Variants in SETD2 observed in about 807,000 individuals in gnomAD.
The protein encoded by SETD2 is SET domain containing 2, histone lysine methyltransferase, also known as histone-lysine N-methyltransferase SETD2.
In SETD2, 31 loss-of-function variants were observed where a neutral mutation model predicts 242.1. The observed-to-expected ratio is 0.13, with a 90% CI of 0.10 to 0.17. The LOEUF (loss-of-function observed/expected upper bound fraction) is 0.17, where lower values mean the gene tolerates loss of function less well. Ranked by LOEUF, SETD2 falls within the 10% of genes least tolerant of loss-of-function variation. SETD2 has a pLI of 1.00. For missense variants in SETD2, 2,481 were observed against 3,046.3 expected, an observed-to-expected ratio of 0.81 and a Z score of 4.37; for synonymous variants, 1,006 against 1,066.5, an observed-to-expected ratio of 0.94 and a Z score of 1.11.
intron 1 of SETD2, among the ~76,000 whole-genome samples, chr3:47,157,795 C>T (rs1018666471): frequency 7.9e-5 from 12 of 151,794 alleles, no homozygotes; most frequent in Non-Finnish European, 1.0e-4. Context: ...ACTGCTTAAA[C>T]CCAGGGGGCA....
intron 1 of SETD2, among the ~76,000 whole-genome samples, chr3:47,132,536 T>C (rs1039822085): frequency 3.3e-5 from 5 of 152,160 alleles, no homozygotes; most frequent in African/African-American, 4.8e-5. Flanking sequence ...TTAAGATTCC[T>C]TGACATCAAA....
chr3:47,150,821 G>A (rs968918761), intron 1 of SETD2, among the ~76,000 whole-genome samples: 5 of 151,682 alleles, frequency 3.3e-5, no homozygotes, highest in Admixed American at 2.0e-4. Flanking sequence ...AAAATTAGGC[G>A]TAGTGGGAGG....
chr3:47,149,801 AGTT>A (rs971941548), intron 1 of SETD2, among the ~76,000 whole-genome samples: 32 of 152,320 alleles, frequency 2.1e-4, no homozygotes, highest in Admixed American at 3.3e-4. Flanking sequence ...AATCTCAGCT[AGTT>A]GTTCTAAACA....
intron 1 of SETD2, among the ~76,000 whole-genome samples, chr3:47,158,561 C>A (rs533929697): frequency 1.2e-4 from 19 of 152,266 alleles, no homozygotes; most frequent in African/African-American, 3.9e-4. Context: ...TTATGATTTT[C>A]TTAATAACAT....
At position 47,046,493 on chromosome 3, in the gene SETD2, C is replaced by T. The variant is rs748117514; in HGVS notation, c.7092G>A (p.Leu2364=). ...CAACTGAAACATTTCTTACTGGCTG[C>T]AAGGGCTGAGGCTGCCCTGGTGCAA... The part of the protein sequence containing the change: ...TIVAPGQPQP[L]QPSEMVVTNN... Residue 2364 remains leucine, a synonymous_variant, in exon 16 of 21, where the codon TTG becomes TTA. Transcript: ENST00000409792. 1 of 1,595,462 alleles carries T rather than the reference C, an allele frequency of 6.3e-7. No individual in the cohort carries two copies. Among genetic ancestry groups the T allele is most frequent in the Admixed American group, 1.7e-5 (1 of 57,620 alleles).
At chr3:47,097,829 G>T in intron 9 of SETD2, 126 bp downstream of exon 9, 4 of 864,630 alleles carry the variant, frequency 4.6e-6, no homozygotes, top group South Asian at 3.4e-5. Flanking sequence ...CTCTTTTCTG[G>T]TAACAACTCA....
intron 1 of SETD2, among the ~76,000 whole-genome samples, chr3:47,158,098 C>A (rs2044167528): frequency 6.6e-6 from 1 of 152,028 alleles, no homozygotes; most frequent in Non-Finnish European, 1.5e-5. Flanking sequence ...GTGCCCTATA[C>A]CATTTTGGCA....
intron 10 of SETD2, among the ~76,000 whole-genome samples, chr3:47,087,873 G>A (rs905621139): frequency 1.2e-4 from 10 of 84,408 alleles, no homozygotes; most frequent in Non-Finnish European, 2.1e-4. Flanking sequence ...GGACGCTGAG[G>A]CAGAATTGCT....
At position 47,050,394 on chromosome 3, in the gene SETD2, G is replaced by A. The variant is rs117425339; in HGVS notation, c.6964-3773C>T. Among the ~76,000 whole-genome samples the A allele has an allele frequency of 7.2e-4, 109 of 152,186 alleles. 1 individual carries two copies. The East Asian group carries it at 0.018, about 25-fold the overall frequency. On this transcript the variant is annotated intron_variant, in intron 15 of 20. Transcript: ENST00000409792. The stretch of plus-strand genomic sequence containing the variant: ...TTTTTCACCTCCATAATAATCTTAC[G>A]AGGATCACTGTCATAAATGCCATCT...
At chr3:47,026,854 T>C (rs1348929132) in intron 18 of SETD2, among the ~76,000 whole-genome samples, 1 of 152,068 alleles carries the variant, frequency 6.6e-6, no homozygotes, top group African/African-American at 2.4e-5. Context: ...AAACCTCATG[T>C]AGGTGATGGG....
At chr3:47,160,329 T>C (rs1697453300) in intron 1 of SETD2, among the ~76,000 whole-genome samples, 1 of 151,852 alleles carries the variant, frequency 6.6e-6, no homozygotes, top group South Asian at 2.1e-4. Context: ...CGAGATGGAA[T>C]CTCCTTCTGT....
intron 1 of SETD2, among the ~76,000 whole-genome samples, chr3:47,154,495 T>A (rs1179053204): frequency 6.6e-6 from 1 of 151,876 alleles, no homozygotes; most frequent in Non-Finnish European, 1.5e-5. Context: ...GAAAAATACA[T>A]ACAGTAATAT....
intron 18 of SETD2, among the ~76,000 whole-genome samples, chr3:47,034,858 T>C (rs2038930759): frequency 6.6e-6 from 1 of 152,184 alleles, no homozygotes; most frequent in Admixed American, 6.5e-5. Context: ...AAATGTCTGA[T>C]AAATAACCAA....
intron 1 of SETD2, among the ~76,000 whole-genome samples, chr3:47,147,837 G>C (rs1293176896): frequency 6.7e-6 from 1 of 149,968 alleles, no homozygotes; most frequent in Non-Finnish European, 1.5e-5. Flanking sequence ...GCAGGAGAAT[G>C]GCATGAACCC....
At chr3:47,053,312 C>G (rs2039928335) in intron 15 of SETD2, among the ~76,000 whole-genome samples, 1 of 152,184 alleles carries the variant, frequency 6.6e-6, no homozygotes, top group South Asian at 2.1e-4. Flanking sequence ...TACTTTATAT[C>G]TGGATCACTT....
chr3:47,045,402 C>T (rs532728435), intron 16 of SETD2, among the ~76,000 whole-genome samples: 1 of 151,946 alleles, frequency 6.6e-6, no homozygotes, highest in South Asian at 2.1e-4. Flanking sequence ...CCTGTAGTCC[C>T]AGCTACTCAG....
intron 12 of SETD2, chr3:47,080,834 C>G (rs1286078442): frequency 2.0e-6 from 2 of 986,538 alleles, no homozygotes; most frequent in African/African-American, 1.7e-5. Context: ...GGGATTTTCC[C>G]GGAACGACAT....
chr3:47,062,475 C>T (rs747812423), intron 13 of SETD2, 129 bp from the exon 14 acceptor site: 34 of 762,736 alleles, frequency 4.5e-5, no homozygotes, highest in Non-Finnish European at 6.3e-5. Flanking sequence ...TGGACTCCTC[C>T]GTCATCTACC....
intron 9 of SETD2, 50 bp downstream of exon 9, chr3:47,097,905 C>G (rs374386157): frequency 3.8e-6 from 6 of 1,593,850 alleles, no homozygotes; most frequent in Non-Finnish European, 5.1e-6. Flanking sequence ...AAAGCCACCT[C>G]GCTTTTTAAA....
Sources: allele counts gnomAD v4.1 joint callset (sites outside exome capture counted in the v4.1 genomes callset), GRCh38; gene constraint gnomAD v4.1.1; transcripts MANE v1.5; gene names NCBI Gene and HGNC (gene_info 2026-07-23, HGNC 2026-07-21).